Variants in ADAMTS10 observed in about 807,000 individuals in gnomAD.
The protein encoded by ADAMTS10 is A disintegrin and metalloproteinase with thrombospondin motifs 10.
ADAMTS10 carries 48 observed loss-of-function variants against 135.9 expected under a neutral mutation model. The observed-to-expected ratio is 0.35, with a 90% confidence interval of 0.28 to 0.45. ADAMTS10 has a LOEUF of 0.45. ADAMTS10 is among the 20% of genes least tolerant of loss of function. The pLI, the probability that ADAMTS10 is intolerant of heterozygous loss-of-function variation, is 1.00. For synonymous variants in ADAMTS10, 621 were observed against 647.5 expected (o/e 0.96, Z 0.62); for missense variants, 1,131 against 1,565.2 (o/e 0.72, Z 4.68).
chr19:8,601,961 TACAATCC>T lies in ADAMTS10; in HGVS notation c.593-823_593-817del, dbSNP rs754862591. 4.8e-4 allele frequency among the ~76,000 whole-genome samples: 73 copies of T among 152,186 alleles called. No homozygotes were observed. The highest frequency in any genetic ancestry group is 9.3e-4 in the Non-Finnish European group (63 of 68,030). On this transcript the variant is annotated intron_variant, in intron 5 of 25. Transcript: ENST00000597188. The surrounding 1 kb of genome is among the most constrained non-coding windows in gnomAD (Gnocchi z 4.6). ...TGTCCCATGATGACCAGCATGATTG[TACAATCC>T]ACTGACAATTCCACTGCCCGAATGG... is the stretch of plus-strand genomic sequence containing the variant.
Position 8,596,234 on chromosome 19 carries a change from G to A in ADAMTS10, c.1191-15C>T, listed in dbSNP as rs2042602569. Reference sequence around the variant, plus strand: ...TCATGCCGAATCTGGGGAAAGGGGTGTCGGCTCTGCCGGGCGCTGAGGGAC... The same window carrying A: ...TCATGCCGAATCTGGGGAAAGGGGTATCGGCTCTGCCGGGCGCTGAGGGAC... On this transcript the variant is annotated splice_polypyrimidine_tract_variant and intron_variant, in intron 10 of 25. Transcript: ENST00000597188. This position sits in a 1 kb window ranked among gnomAD's most constrained non-coding sequence, Gnocchi z 7.2. 6.2e-7 allele frequency: 1 copy of A among 1,613,580 alleles called. No individual in the cohort carries two copies. Among genetic ancestry groups the A allele is most frequent in the Non-Finnish European group, 8.5e-7 (1 of 1,180,022 alleles).
chr19:8,584,996 G>C lies in ADAMTS10; in HGVS notation c.3101C>G (p.Thr1034Arg). 6.5e-7 allele frequency: 1 copy of C among 1,542,702 alleles called. No individual in the cohort carries two copies. The highest frequency in any genetic ancestry group is 2.0e-5 in the Admixed American group (1 of 50,888). ...RQRSVRCTSH[T>R]GQASHECTEA... ...CGTGCACTCGTGCGACGCCTGGCCC[G>C]TGTGGCTGGTGCAGCGCACCGAGCG... is the stretch of plus-strand genomic sequence containing the variant. The change falls in exon 25 of 26, where the codon ACG becomes AGG. Residue 1034 changes from threonine to arginine, a missense_variant. By Grantham distance (71) the Thr-to-Arg change is moderately conservative (BLOSUM62 -1). Transcript: ENST00000597188.
chr19:8,582,208 G>A (rs2042362073), intron 25 of ADAMTS10, among the ~76,000 whole-genome samples: 1 of 152,142 alleles, frequency 6.6e-6, no homozygotes, highest in African/African-American at 2.4e-5. Flanking sequence ...GGTGGCTCAC[G>A]CCTGTAATCA....
Position 8,605,728 on chromosome 19 carries a change from ATG to A in ADAMTS10, c.-20_-19del. ...GGAGCCATAGAGGCCACGTGTCCACATGTCTCTCCCCAGCCCCGGCTGCCGGC... is the reference window on the plus strand; with the variant it reads ...GGAGCCATAGAGGCCACGTGTCCACATCTCTCCCCAGCCCCGGCTGCCGGC... On this transcript the variant is annotated 5_prime_UTR_variant, in exon 3 of 26. The change creates a new upstream start codon in the 5' untranslated region. Coordinates refer to ENST00000597188, the MANE Select transcript of ADAMTS10 (RefSeq NM_030957.4). The surrounding 1 kb of genome is among the most constrained non-coding windows in gnomAD (Gnocchi z 7.7). The A allele has an allele frequency of 6.3e-7, 1 of 1,597,806 alleles. No homozygotes were observed. The highest frequency in any genetic ancestry group is 8.5e-7 in the Non-Finnish European group (1 of 1,174,252).
chr19:8,606,254 G>T (rs995488462), intron 2 of ADAMTS10, among the ~76,000 whole-genome samples: 2 of 152,070 alleles, frequency 1.3e-5, no homozygotes, highest in African/African-American at 2.4e-5. Context: ...GAGAGACGGG[G>T]GTCTCACTTT....
chr19:8,592,665 G>A (rs528949404), intron 13 of ADAMTS10, 98 bp downstream of exon 13: 1 of 1,229,020 alleles, frequency 8.1e-7, no homozygotes, highest in African/African-American at 1.5e-5. Context: ...ATGTGGGAGG[G>A]AGCAGATAAT....
chr19:8,596,468 G>A lies in ADAMTS10; in HGVS notation c.1085-56C>T, dbSNP rs1172994755. 2.4e-5 allele frequency: 38 copies of A among 1,611,616 alleles called. No homozygotes were observed. Among genetic ancestry groups the A allele is most frequent in the Non-Finnish European group, 3.2e-5 (38 of 1,178,778 alleles). On this transcript the variant is annotated intron_variant, in intron 9 of 25. Coordinates refer to ENST00000597188, the MANE Select transcript of ADAMTS10 (RefSeq NM_030957.4). This position sits in a 1 kb window ranked among gnomAD's most constrained non-coding sequence, Gnocchi z 7.2. The stretch of plus-strand genomic sequence containing the variant: ...GGGAGGCTCAGGACGGTGCTGGCTG[G>A]CCCCATCCACCTGCCAGGTCTCACC...
rs527926912 is a variant in ADAMTS10, at chr19:8,581,784, G to A, written c.3203-782C>T. On this transcript the variant is annotated intron_variant, in intron 25 of 25. Transcript: ENST00000597188. The stretch of plus-strand genomic sequence containing the variant: ...CGGGAGGCAGAGGTTTCAGTGAGCC[G>A]CGATTGCACCACTGTACTCCAGCCT... Among the ~76,000 whole-genome samples the A allele has an allele frequency of 2.1e-3, 319 of 151,256 alleles. 13 individuals are homozygous for A. In the South Asian group the frequency reaches 0.063, roughly 30 times the overall value.
rs782499173 is a variant in ADAMTS10, at chr19:8,586,659, G to T, written c.2302C>A (p.Arg768Ser). The T allele has an allele frequency of 1.9e-6, 3 of 1,614,018 alleles. No homozygotes were observed. Among genetic ancestry groups the T allele is most frequent in the Non-Finnish European group, 2.5e-6 (3 of 1,179,978 alleles). ...EGLPGTPQPH[R>S]LPLAGTTFQL... Reference sequence around the variant, plus strand: ...AAGGTGGTCCCAGCTAGAGGCAGACGGTGGGGCTGGGGGGTCCCAGGCAGC... The same window carrying T: ...AAGGTGGTCCCAGCTAGAGGCAGACTGTGGGGCTGGGGGGTCCCAGGCAGC... Residue 768 changes from arginine to serine, a missense_variant, in exon 20 of 26, where the codon CGT becomes AGT. Around this residue, in one of 3 missense-constraint regions of ADAMTS10, gnomAD observed 745 missense variants for 1,056.3 expected, o/e 0.71. Transcript: ENST00000597188.
In ADAMTS10 at chr19:8,596,866, G is replaced by A; in HGVS notation, c.1040+121C>T. On this transcript the variant is annotated intron_variant, in intron 8 of 25. Coordinates refer to ENST00000597188, the MANE Select transcript of ADAMTS10 (RefSeq NM_030957.4). The surrounding 1 kb of genome is among the most constrained non-coding windows in gnomAD (Gnocchi z 7.2). ...CCTCCCCATCCCTGGCTCCCTCATG[G>A]GCAGCCCAAACTTCTCTGCTCCTCC... is the stretch of plus-strand genomic sequence containing the variant. 1 of 1,508,396 alleles carries A rather than the reference G, an allele frequency of 6.6e-7. No individual in the cohort carries two copies. The highest frequency in any genetic ancestry group is 1.2e-5 in the South Asian group (1 of 85,980). The allele number at this position is 1,508,396 out of a possible 1,614,324, so 93.4% of individuals were successfully genotyped here.
chr19:8,606,591 T>TG (rs2042724742), intron 2 of ADAMTS10, among the ~76,000 whole-genome samples: 1 of 151,948 alleles, frequency 6.6e-6, no homozygotes, highest in Non-Finnish European at 1.5e-5. Flanking sequence ...TTAGTAGAGA[T>TG]GGGGTTTCAC....
intron 1 of ADAMTS10, among the ~76,000 whole-genome samples, chr19:8,609,174 CTGTG>C (rs1284725948): frequency 2.0e-5 from 3 of 146,716 alleles, no homozygotes; most frequent in East Asian, 2.0e-4. Context: ...GTGTGTGACC[CTGTG>C]TGTGATTGTG....
chr19:8,586,005 C>A, intron 22 of ADAMTS10, 117 bp downstream of exon 22: 1 of 1,533,824 alleles, frequency 6.5e-7, no homozygotes, highest in South Asian at 1.2e-5. Flanking sequence ...AGCACTCGGC[C>A]CACTGTCACT....
intron 15 of ADAMTS10, among the ~76,000 whole-genome samples, chr19:8,590,755 C>T (rs574297367): frequency 4.2e-4 from 63 of 151,736 alleles, no homozygotes; most frequent in Non-Finnish European, 5.3e-4. Flanking sequence ...CCACCTCATC[C>T]GGCCTAATTT....
chr19:8,596,335 A>G lies in ADAMTS10; in HGVS notation c.1162T>C (p.Phe388Leu). 1 of 1,612,918 alleles carries G rather than the reference A, an allele frequency of 6.2e-7. No individual in the cohort carries two copies. Among genetic ancestry groups the G allele is most frequent in the Non-Finnish European group, 8.5e-7 (1 of 1,179,892 alleles). ...TGCCCGATCTCGTGGGCAATGGTGA[A>G]CGCTGTGGCCAGGCCAATGTCCTCA... ...VNEDIGLATA[F>L]TIAHEIGHTF... Residue 388 changes from phenylalanine (F) to leucine (L), a missense_variant, in exon 10 of 26, where the codon TTC becomes CTC. Physicochemically the swap from Phe to Leu is conservative, Grantham distance 22. This residue lies in a region of ADAMTS10 where 745 missense variants were observed against 1,056.3 expected (regional missense o/e 0.71). Coordinates refer to ENST00000597188, the MANE Select transcript of ADAMTS10 (RefSeq NM_030957.4). This position sits in a 1 kb window ranked among gnomAD's most constrained non-coding sequence, Gnocchi z 7.2.
Position 8,586,039 on chromosome 19 carries a change from C to G in ADAMTS10, c.2660+83G>C. On this transcript the variant is annotated intron_variant, in intron 22 of 25. Coordinates refer to ENST00000597188, the MANE Select transcript of ADAMTS10 (RefSeq NM_030957.4). ...CTCCGACTCTGCACTAATCTGCTCC[C>G]CACCCCCCTGGAGCACTCGCTCTTG... The G allele has an allele frequency of 2.5e-6, 4 of 1,603,134 alleles. No individual in the cohort carries two copies. The South Asian group carries it at 4.4e-5, about 18-fold the overall frequency.
chr19:8,597,455 G>GT (rs1323274487), intron 6 of ADAMTS10, 138 bp from the exon 7 acceptor site: 3 of 764,498 alleles, frequency 3.9e-6, no homozygotes, highest in African/African-American at 3.5e-5. Context: ...TGCTATTAGG[G>GT]TTTTTTGTTG....
Position 8,586,597 on chromosome 19 carries a change from G to A in ADAMTS10, c.2364C>T (p.Leu788=). The A allele has an allele frequency of 6.2e-7, 1 of 1,614,006 alleles. No homozygotes were observed. Among genetic ancestry groups the A allele is most frequent in the Non-Finnish European group, 8.5e-7 (1 of 1,180,026 alleles). The part of the protein sequence containing the change: ...LRQGPDQVQS[L]EALGPINASL... ...ATGCATTAATCGGTCCCAGGGCTTC[G>A]AGGCTCTGGACCTGGTCTGGCCCCT... Residue 788 remains leucine, a synonymous_variant, in exon 20 of 26, where the codon CTC becomes CTT. Coordinates refer to ENST00000597188, the MANE Select transcript of ADAMTS10 (RefSeq NM_030957.4).
intron 13 of ADAMTS10, 153 bp from the exon 14 acceptor site, chr19:8,592,256 G>C (rs1156603964): frequency 7.0e-7 from 1 of 1,436,218 alleles, no homozygotes; most frequent in African/African-American, 1.4e-5. Context: ...GTCAGGTTAC[G>C]TAGGAGAGTG....
Sources: allele counts gnomAD v4.1 joint callset (sites outside exome capture counted in the v4.1 genomes callset), GRCh38; gene constraint gnomAD v4.1.1; regional missense constraint gnomAD v4.1.1; non-coding constraint Gnocchi (gnomAD v3.1); transcripts MANE v1.5; gene names NCBI Gene and HGNC (gene_info 2026-07-23, HGNC 2026-07-21).